CNTNAP2: variants seen among roughly 807,000 people sequenced by gnomAD.
CNTNAP2 encodes the protein contactin-associated protein-like 2.
CNTNAP2 carries 98 observed loss-of-function variants against 155.2 expected under a neutral mutation model. That is an observed-to-expected ratio of 0.63 (90% CI 0.54 to 0.75). The LOEUF is 0.75. Among genes scored for constraint, CNTNAP2 ranks in the 30% least tolerant of loss-of-function variants. CNTNAP2 has a pLI of 0.00. For synonymous variants in CNTNAP2, 651 were observed against 631.2 expected, an observed-to-expected ratio of 1.03 and a Z score of -0.47; for missense variants, 1,727 against 1,688.1, an observed-to-expected ratio of 1.02 and a Z score of -0.40.
chr7:147,013,411 T>C (rs879749570), intron 3 of CNTNAP2, among the ~76,000 whole-genome samples: 1 of 152,154 alleles, frequency 6.6e-6, no homozygotes, highest in Non-Finnish European at 1.5e-5. Flanking sequence ...AAAATATCAA[T>C]ATTTTATTTA....
intron 21 of CNTNAP2, among the ~76,000 whole-genome samples, chr7:148,342,074 C>G (rs943272240): frequency 3.3e-5 from 5 of 152,202 alleles, no homozygotes; most frequent in African/African-American, 7.2e-5. Flanking sequence ...CAGAATCAAC[C>G]AAGCCCAGAG....
At chr7:146,192,618 A>T (rs777327128) in intron 1 of CNTNAP2, among the ~76,000 whole-genome samples, 1 of 152,172 alleles carries the variant, frequency 6.6e-6, no homozygotes, top group Non-Finnish European at 1.5e-5. Flanking sequence ...CCCATGATTC[A>T]GTTACCTCAC....
At chr7:146,386,181 A>G (rs967306350) in intron 1 of CNTNAP2, among the ~76,000 whole-genome samples, 4 of 152,132 alleles carry the variant, frequency 2.6e-5, no homozygotes, top group African/African-American at 9.7e-5. Flanking sequence ...AGTATATTTT[A>G]TACATGTATT....
At chr7:147,109,839 T>C (rs190394168) in intron 5 of CNTNAP2, among the ~76,000 whole-genome samples, 8 of 152,284 alleles carry the variant, frequency 5.3e-5, no homozygotes, top group African/African-American at 1.9e-4. Context: ...AATGAAATGT[T>C]GGCTGCTGAA....
intron 13 of CNTNAP2, among the ~76,000 whole-genome samples, chr7:147,767,430 A>G (rs2116529765): frequency 6.6e-6 from 1 of 152,220 alleles, no homozygotes; most frequent in African/African-American, 2.4e-5. Flanking sequence ...TGAAGTAAAT[A>G]ATGGATGCCA....
At chr7:147,019,728 A>G (rs993536695) in intron 3 of CNTNAP2, among the ~76,000 whole-genome samples, 1 of 152,160 alleles carries the variant, frequency 6.6e-6, no homozygotes, top group African/African-American at 2.4e-5. Flanking sequence ...ACATAATATG[A>G]GAATAAAACA....
chr7:148,049,739 G>T (rs1214448734), intron 15 of CNTNAP2, among the ~76,000 whole-genome samples: 7 of 152,184 alleles, frequency 4.6e-5, no homozygotes, highest in Admixed American at 3.3e-4. Context: ...TAGAAGTGTA[G>T]CTTATACAAT....
chr7:146,463,495 T>C (rs1384309904), intron 1 of CNTNAP2, among the ~76,000 whole-genome samples: 3 of 152,100 alleles, frequency 2.0e-5, no homozygotes, highest in African/African-American at 7.2e-5. Context: ...AGGAACATTG[T>C]TCTTAAATGT....
At chr7:146,588,639 C>A (rs1798734991) in intron 1 of CNTNAP2, among the ~76,000 whole-genome samples, 1 of 151,976 alleles carries the variant, frequency 6.6e-6, no homozygotes, top group Non-Finnish European at 1.5e-5. Context: ...TCCTGAGTAG[C>A]TGGGACTACG....
At chr7:147,143,479 A>C (rs1295097700) in intron 8 of CNTNAP2, among the ~76,000 whole-genome samples, 1 of 152,224 alleles carries the variant, frequency 6.6e-6, no homozygotes, top group Non-Finnish European at 1.5e-5. Context: ...AATTTTTTTA[A>C]GAACAACAAT....
chr7:147,550,957 T>C (rs775176633), intron 11 of CNTNAP2, among the ~76,000 whole-genome samples: 29 of 152,168 alleles, frequency 1.9e-4, no homozygotes, highest in Non-Finnish European at 3.8e-4. Context: ...ATAGTATCCA[T>C]AAAAAATACT....
intron 8 of CNTNAP2, among the ~76,000 whole-genome samples, chr7:147,176,325 T>C (rs1802337276): frequency 6.6e-6 from 1 of 152,122 alleles, no homozygotes; most frequent in African/African-American, 2.4e-5. Context: ...AGTATTATAG[T>C]TTTAATATAC....
At chr7:147,361,556 A>T (rs938749470) in intron 9 of CNTNAP2, among the ~76,000 whole-genome samples, 3 of 152,206 alleles carry the variant, frequency 2.0e-5, no homozygotes, top group Non-Finnish European at 4.4e-5. Flanking sequence ...TTTATTATTT[A>T]GTGCATAGTT....
intron 9 of CNTNAP2, among the ~76,000 whole-genome samples, chr7:147,383,640 G>C (rs1311268546): frequency 1.3e-5 from 2 of 151,984 alleles, no homozygotes; most frequent in African/African-American, 4.8e-5. Flanking sequence ...CAAGGGGAGG[G>C]GAGAGCATTA....
chr7:146,662,824 A>G (rs11764336), intron 1 of CNTNAP2, among the ~76,000 whole-genome samples: 90,920 of 152,078 alleles, frequency 0.6, 31,231 homozygotes, highest in South Asian at 0.85. Context: ...TTTAAATACC[A>G]TATTTTCTCC....
At chr7:147,563,189 A>G (rs1248851007) in intron 12 of CNTNAP2, among the ~76,000 whole-genome samples, 2 of 152,196 alleles carry the variant, frequency 1.3e-5, no homozygotes, top group Admixed American at 1.3e-4. Context: ...CTGTAAATGA[A>G]TTAATGAGAA....
At chr7:148,079,470 A>T (rs903129894) in intron 15 of CNTNAP2, among the ~76,000 whole-genome samples, 3 of 152,190 alleles carry the variant, frequency 2.0e-5, no homozygotes, top group Admixed American at 1.3e-4. Context: ...CTTATTATAC[A>T]AAGCCTACAG....
At chr7:147,319,147 G>T (rs1303491978) in intron 9 of CNTNAP2, among the ~76,000 whole-genome samples, 3 of 152,070 alleles carry the variant, frequency 2.0e-5, no homozygotes, top group African/African-American at 7.2e-5. Flanking sequence ...TTACTTTCCA[G>T]TATAGAATGT....
At chr7:146,426,882 A>G (rs1435510446) in intron 1 of CNTNAP2, among the ~76,000 whole-genome samples, 15 of 152,166 alleles carry the variant, frequency 9.9e-5, no homozygotes, top group Middle Eastern at 3.4e-3. Context: ...ACAAACAATA[A>G]TAAGTATGTG....
Sources: allele counts gnomAD v4.1 joint callset (sites outside exome capture counted in the v4.1 genomes callset), GRCh38; gene constraint gnomAD v4.1.1; transcripts MANE v1.5; gene names NCBI Gene and HGNC (gene_info 2026-07-23, HGNC 2026-07-21).